DSCAM: variants seen among roughly 807,000 people sequenced by gnomAD.
DSCAM encodes the protein DS cell adhesion molecule.
DSCAM carries 47 observed loss-of-function variants against 217.7 expected under a neutral mutation model. The observed-to-expected ratio is 0.22, with a 90% CI of 0.17 to 0.28. DSCAM has a LOEUF of 0.28. Ranked by LOEUF, DSCAM falls within the 10% of genes least tolerant of loss-of-function variation. The probability of loss-of-function intolerance (pLI) is 1.00; values close to 1 mark genes in which losing one functional copy is unlikely to be tolerated. For synonymous variants in DSCAM, 1,056 were observed against 1,015.3 expected, an observed-to-expected ratio of 1.04 and a Z score of -0.76; for missense variants, 2,080 against 2,618.3, an observed-to-expected ratio of 0.79 and a Z score of 4.49.
intron 28 of DSCAM, among the ~76,000 whole-genome samples, chr21:40,059,882 T>G (rs1439997928): frequency 6.6e-6 from 1 of 152,162 alleles, no homozygotes; most frequent in African/African-American, 2.4e-5. Context: ...CTGTTCAGTA[T>G]CTTTCTCTCT....
intron 3 of DSCAM, among the ~76,000 whole-genome samples, chr21:40,631,104 A>G (rs947353138): frequency 1.3e-5 from 2 of 152,240 alleles, no homozygotes; most frequent in Non-Finnish European, 2.9e-5. Flanking sequence ...GTATGCCAGC[A>G]ATGAACCTTC....
At chr21:40,823,520 T>G (rs1428761143) in intron 1 of DSCAM, among the ~76,000 whole-genome samples, 2 of 152,158 alleles carry the variant, frequency 1.3e-5, no homozygotes, top group Admixed American at 1.3e-4. Flanking sequence ...TACCAAGTTA[T>G]ACTACATAAC....
intron 3 of DSCAM, among the ~76,000 whole-genome samples, chr21:40,460,607 T>C (rs1375539052): frequency 6.6e-6 from 1 of 152,014 alleles, no homozygotes; most frequent in African/African-American, 2.4e-5. Flanking sequence ...CTATTAATTA[T>C]CCATTAAAGA....
At chr21:40,536,436 G>GT (rs1377780961) in intron 3 of DSCAM, among the ~76,000 whole-genome samples, 1 of 135,938 alleles carries the variant, frequency 7.4e-6, no homozygotes, top group Non-Finnish European at 1.5e-5. Flanking sequence ...GAGTCTCGCT[G>GT]TGTCCCCCAG....
intron 3 of DSCAM, among the ~76,000 whole-genome samples, chr21:40,681,926 G>C (rs2090405179): frequency 6.6e-6 from 1 of 152,142 alleles, no homozygotes. Flanking sequence ...GGCCTGACAG[G>C]GACCCTCCCC....
intron 11 of DSCAM, among the ~76,000 whole-genome samples, chr21:40,224,907 G>A (rs437083): frequency 0.45 from 68,515 of 151,916 alleles, 15,745 homozygotes; most frequent in African/African-American, 0.53. Flanking sequence ...TTGAATTGTC[G>A]GTCACCTGAA....
At chr21:40,167,136 C>T in intron 16 of DSCAM, 82 bp downstream of exon 16, 1 of 1,269,828 alleles carries the variant, frequency 7.9e-7, no homozygotes, top group Non-Finnish European at 1.1e-6. Flanking sequence ...ATTCGAGAGT[C>T]TTGGTGTCAT....
intron 3 of DSCAM, among the ~76,000 whole-genome samples, chr21:40,677,191 C>T (rs1214432931): frequency 6.9e-6 from 1 of 145,310 alleles, no homozygotes; most frequent in Non-Finnish European, 1.5e-5. Flanking sequence ...GATACTGGTA[C>T]AATGCAATGG....
At position 40,016,154 on chromosome 21, in the gene DSCAM, A is replaced by G. The variant is rs150569131; in HGVS notation, c.5687-2768T>C. Among the ~76,000 whole-genome samples, 3 of 152,200 alleles carry G rather than the reference A, an allele frequency of 2.0e-5. No homozygotes were observed. The highest frequency in any genetic ancestry group is 4.4e-5 in the Non-Finnish European group (3 of 68,010). ...GGGTAAAGGATGTGCAGGGAGAGAGATATGATGATGGTCTGAGCTCAGGAG... is the reference window on the plus strand; with the variant it reads ...GGGTAAAGGATGTGCAGGGAGAGAGGTATGATGATGGTCTGAGCTCAGGAG... On this transcript the variant is annotated intron_variant, in intron 32 of 32. Transcript: ENST00000400454. The surrounding 1 kb of genome is among the most constrained non-coding windows in gnomAD (Gnocchi z 4.3).
At chr21:40,222,603 G>A (rs995586609) in intron 11 of DSCAM, among the ~76,000 whole-genome samples, 1 of 152,164 alleles carries the variant, frequency 6.6e-6, no homozygotes, top group Non-Finnish European at 1.5e-5. Context: ...GAATGCAGAA[G>A]CAGCTACAAG....
chr21:40,485,488 C>G (rs1009440224), intron 3 of DSCAM, among the ~76,000 whole-genome samples: 12 of 151,514 alleles, frequency 7.9e-5, no homozygotes, highest in African/African-American at 2.4e-4. Flanking sequence ...GTGATCCGCC[C>G]GCCTCGGCCT....
intron 16 of DSCAM, among the ~76,000 whole-genome samples, chr21:40,157,116 A>C (rs1255605561): frequency 6.6e-6 from 1 of 152,172 alleles, no homozygotes; most frequent in Admixed American, 6.5e-5. Context: ...AAAGAGGAAG[A>C]ATATTTTGTC....
intron 3 of DSCAM, among the ~76,000 whole-genome samples, chr21:40,636,390 A>AAGAGAGAG (rs2089759389): frequency 1.3e-5 from 2 of 152,036 alleles, no homozygotes; most frequent in Non-Finnish European, 2.9e-5. Context: ...GAGAGAGAGA[A>AAGAGAGAG]AGAAAGAGAG....
intron 11 of DSCAM, among the ~76,000 whole-genome samples, chr21:40,244,407 T>C (rs568459392): frequency 6.8e-6 from 1 of 147,600 alleles, no homozygotes; most frequent in South Asian, 2.1e-4. Context: ...GCCCAGATTG[T>C]GCCACTGCAC....
At chr21:40,524,672 T>A (rs890366980) in intron 3 of DSCAM, among the ~76,000 whole-genome samples, 1 of 152,104 alleles carries the variant, frequency 6.6e-6, no homozygotes, top group Non-Finnish European at 1.5e-5. Context: ...AAACTTTTTT[T>A]AAAAAGTAGA....
At chr21:40,402,048 C>CTTTTTTT (rs1569105527) in intron 3 of DSCAM, among the ~76,000 whole-genome samples, 1 of 100,120 alleles carries the variant, frequency 1.0e-5, no homozygotes, top group African/African-American at 3.4e-5. Flanking sequence ...TATTCTTATT[C>CTTTTTTT]CTTTTTTTTT....
chr21:40,053,415 C>T (rs1293605858), intron 29 of DSCAM, among the ~76,000 whole-genome samples: 1 of 152,098 alleles, frequency 6.6e-6, no homozygotes. Flanking sequence ...CGAGAGGCTC[C>T]GTGTCTACAT....
intron 1 of DSCAM, among the ~76,000 whole-genome samples, chr21:40,766,686 A>G (rs1170187629): frequency 8.2e-6 from 1 of 121,686 alleles, no homozygotes; most frequent in Non-Finnish European, 1.6e-5. Context: ...AAAAAAAAAA[A>G]AACAACTTTT....
In DSCAM at chr21:40,083,821, T is replaced by C. The variant is rs534167546; in HGVS notation, c.4231+87A>G. 2.9e-6 allele frequency: 3 copies of C among 1,023,506 alleles called. No individual in the cohort carries two copies. The Admixed American group carries it at 7.3e-5, about 25-fold the overall frequency. 63.4% of individuals were successfully genotyped at this position (1,023,506 alleles called of 1,614,324 possible). A position where few individuals can be genotyped will look rare whatever the true frequency, so the allele number is the denominator to read the frequency against. ...TTTTGGGGGAGAATAAAGTAACACA[T>C]ACCAGTCATTTGCTGAAGATGTGTC... On this transcript the variant is annotated intron_variant, in intron 24 of 32. Coordinates refer to ENST00000400454, the MANE Select transcript of DSCAM (RefSeq NM_001389.5).
Sources: allele counts gnomAD v4.1 joint callset (sites outside exome capture counted in the v4.1 genomes callset), GRCh38; gene constraint gnomAD v4.1.1; non-coding constraint Gnocchi (gnomAD v3.1); transcripts MANE v1.5; gene names NCBI Gene and HGNC (gene_info 2026-07-23, HGNC 2026-07-21).